The following TSC22D2 variants were observed in gnomAD, a reference collection of about 807,000 sequenced individuals.
TSC22D2 encodes TSC22 domain family member 2, also known as TSC22 domain family protein 2.
A neutral mutation model predicts 50.1 loss-of-function variants in TSC22D2; 5 were observed. That is an observed-to-expected ratio of 0.10 (90% confidence interval 0.05 to 0.21). The LOEUF (loss-of-function observed/expected upper bound fraction) is 0.21, where lower values mean the gene tolerates loss of function less well. Ranked by LOEUF, TSC22D2 falls within the 10% of genes least tolerant of loss-of-function variation. TSC22D2 has a pLI of 1.00. For missense variants in TSC22D2, 1,003 were observed against 1,015.5 expected (o/e 0.99, Z 0.17); for synonymous variants, 501 against 450.1 (o/e 1.11, Z -1.43).
rs557959105 is a variant in TSC22D2 at position 150,460,755 on chromosome 3, T to C, written c.*2119T>C. 1.6e-5 allele frequency: 2 copies of C among 125,186 alleles called. No individual in the cohort carries two copies. The highest frequency in any genetic ancestry group is 5.4e-5 in the African/African-American group (2 of 37,316). The allele number at this position is 125,186 out of a possible 1,614,324, so 7.8% of individuals were successfully genotyped here. A position where few individuals can be genotyped will look rare whatever the true frequency, so the allele number is the denominator to read the frequency against. On this transcript the variant is annotated 3_prime_UTR_variant, in exon 3 of 3. Transcript: ENST00000688009. The stretch of plus-strand genomic sequence containing the variant: ...CTCCAGTGCTAACTGTGACATGTGA[T>C]ATTTAATACAGGTGGAGAAAAACTA...
rs1424029132 is a variant in TSC22D2 at position 150,433,964 on chromosome 3, A to C, written c.1958+22656A>C. Among the ~76,000 whole-genome samples the C allele has an allele frequency of 2.6e-5, 4 of 152,164 alleles. No individual in the cohort carries two copies. In the East Asian group the frequency reaches 5.8e-4, roughly 22 times the overall value. ...ATGGTGCATGCCTGTAATCCCAGCT[A>C]CTTGGGAGGCTGAGGCACAAGAATT... On this transcript the variant is annotated intron_variant, in intron 1 of 2. Coordinates refer to ENST00000688009, the MANE Select transcript of TSC22D2 (RefSeq NM_001303264.2).
At chr3:150,455,313 CATAT>C (rs1721152950) in intron 1 of TSC22D2, among the ~76,000 whole-genome samples, 1 of 152,122 alleles carries the variant, frequency 6.6e-6, no homozygotes, top group Non-Finnish European at 1.5e-5. Context: ...TTTATAGTTA[CATAT>C]AGTCATACTT....
chr3:150,434,662 C>T (rs1720479433), intron 1 of TSC22D2, among the ~76,000 whole-genome samples: 2 of 151,898 alleles, frequency 1.3e-5, no homozygotes, highest in African/African-American at 4.8e-5. Flanking sequence ...TTAAAAATAC[C>T]AATAGCCTGT....
chr3:150,409,911 G>A lies in TSC22D2; in HGVS notation c.561G>A (p.Glu187=), dbSNP rs1427838137. ...GATGGACGTGTATGGAATACTATGA[G>A]AGGGATTCAGACAGCAGCGTCCTGA... The part of the protein sequence containing the change: ...RGRWTCMEYY[E]RDSDSSVLTR... Residue 187 remains glutamate, a synonymous_variant, in exon 1 of 3, where the codon GAG becomes GAA. Coordinates refer to ENST00000688009, the MANE Select transcript of TSC22D2 (RefSeq NM_001303264.2). The surrounding 1 kb of genome is among the most constrained non-coding windows in gnomAD (Gnocchi z 7.4). The A allele has an allele frequency of 1.2e-6, 2 of 1,613,850 alleles. No individual in the cohort carries two copies. The highest frequency in any genetic ancestry group is 2.2e-5 in the East Asian group (1 of 44,878).
At chr3:150,412,751 T>A (rs1209903292) in intron 1 of TSC22D2, among the ~76,000 whole-genome samples, 1 of 152,132 alleles carries the variant, frequency 6.6e-6, no homozygotes, top group East Asian at 1.9e-4. Context: ...CACAAGCCAC[T>A]CAGAAAAATC....
intron 1 of TSC22D2, among the ~76,000 whole-genome samples, chr3:150,422,042 T>C (rs1464241553): frequency 6.6e-6 from 1 of 152,132 alleles, no homozygotes; most frequent in Admixed American, 6.6e-5. Context: ...GAGATGGGAG[T>C]AATAATGGTG....
chr3:150,461,656 C>G lies in TSC22D2; in HGVS notation c.*3020C>G, dbSNP rs969024326. The G allele has an allele frequency of 2.0e-5, 3 of 152,136 alleles. No individual in the cohort carries two copies. Among genetic ancestry groups the G allele is most frequent in the African/African-American group, 7.2e-5 (3 of 41,410 alleles). The allele number at this position is 152,136 out of a possible 1,614,324, so 9.4% of individuals were successfully genotyped here. A position where few individuals can be genotyped will look rare whatever the true frequency, so the allele number is the denominator to read the frequency against. Reference sequence around the variant, plus strand: ...CATTAAATAAACAGTTTCCTTAACTCCTGATTGTCCAAAATAGCTGAATTT... The same window carrying G: ...CATTAAATAAACAGTTTCCTTAACTGCTGATTGTCCAAAATAGCTGAATTT... On this transcript the variant is annotated 3_prime_UTR_variant, in exon 3 of 3. Transcript: ENST00000688009.
At chr3:150,426,146 C>T (rs775184629) in intron 1 of TSC22D2, among the ~76,000 whole-genome samples, 5 of 152,110 alleles carry the variant, frequency 3.3e-5, no homozygotes, top group Admixed American at 6.5e-5. Context: ...ACTGATAACG[C>T]AAAAATAATC....
chr3:150,420,001 C>A (rs1029765213), intron 1 of TSC22D2, among the ~76,000 whole-genome samples: 2 of 152,166 alleles, frequency 1.3e-5, no homozygotes, highest in Non-Finnish European at 2.9e-5. Context: ...GTGACCACAG[C>A]TGCATAAAAA....
At chr3:150,444,755 T>A (rs983486833) in intron 1 of TSC22D2, among the ~76,000 whole-genome samples, 1 of 152,196 alleles carries the variant, frequency 6.6e-6, no homozygotes, top group Admixed American at 6.6e-5. Context: ...AAAACTTAGA[T>A]GTTAAACTTT....
intron 1 of TSC22D2, among the ~76,000 whole-genome samples, chr3:150,435,835 A>G (rs1026774192): frequency 1.3e-5 from 2 of 152,106 alleles, no homozygotes; most frequent in African/African-American, 4.8e-5. Flanking sequence ...AAAGGAAATG[A>G]TAAATAACTG....
chr3:150,430,787 C>G (rs910277323), intron 1 of TSC22D2, among the ~76,000 whole-genome samples: 2 of 152,062 alleles, frequency 1.3e-5, no homozygotes, highest in African/African-American at 4.8e-5. Context: ...TTAGGCAATA[C>G]CACCTGCATT....
intron 2 of TSC22D2, among the ~76,000 whole-genome samples, chr3:150,457,666 C>T (rs1015246359): frequency 3.3e-5 from 5 of 152,110 alleles, no homozygotes; most frequent in Non-Finnish European, 5.9e-5. Flanking sequence ...GAGATAGTCT[C>T]GCTCTGTCAC....
Position 150,458,357 on chromosome 3 carries a change from C to G in TSC22D2, c.2011-19C>G. On this transcript the variant is annotated intron_variant, in intron 2 of 2. Coordinates refer to ENST00000688009, the MANE Select transcript of TSC22D2 (RefSeq NM_001303264.2). ...TTATCTTTTCACTCTTTTGACATTC[C>G]TAATTTTGTTTTTCACAGGATCTGG... 1 of 1,604,360 alleles carries G rather than the reference C, an allele frequency of 6.2e-7. No individual in the cohort carries two copies. Among genetic ancestry groups the G allele is most frequent in the East Asian group, 2.2e-5 (1 of 44,808 alleles).
At chr3:150,440,033 A>C (rs1244823416) in intron 1 of TSC22D2, among the ~76,000 whole-genome samples, 1 of 152,170 alleles carries the variant, frequency 6.6e-6, no homozygotes, top group Non-Finnish European at 1.5e-5. Context: ...TATCTCATTT[A>C]ATTTTCACAA....
At chr3:150,424,308 T>C (rs1281801526) in intron 1 of TSC22D2, among the ~76,000 whole-genome samples, 2 of 152,186 alleles carry the variant, frequency 1.3e-5, no homozygotes, top group Non-Finnish European at 2.9e-5. Context: ...GTTTTCCAAA[T>C]GTAGCCAGAA....
intron 1 of TSC22D2, among the ~76,000 whole-genome samples, chr3:150,440,289 C>T (rs1316688561): frequency 1.3e-5 from 2 of 152,060 alleles, no homozygotes; most frequent in Admixed American, 1.3e-4. Context: ...TTATCTTGAA[C>T]TTAAGTAGCA....
chr3:150,433,112 T>A (rs1204381164), intron 1 of TSC22D2, among the ~76,000 whole-genome samples: 1 of 152,250 alleles, frequency 6.6e-6, no homozygotes, highest in African/African-American at 2.4e-5. Context: ...ATTTAGAATG[T>A]TTATCCATTA....
At chr3:150,413,443 C>T (rs1719665631) in intron 1 of TSC22D2, among the ~76,000 whole-genome samples, 1 of 152,090 alleles carries the variant, frequency 6.6e-6, no homozygotes, top group Non-Finnish European at 1.5e-5. Context: ...TGGTTTTTAA[C>T]TTGACATGCT....
Sources: gnomAD v4.1 joint callset for allele counts (sites outside exome capture counted in the v4.1 genomes callset) on GRCh38, gnomAD v4.1.1 for gene constraint, Gnocchi (gnomAD v3.1) non-coding constraint, MANE v1.5 for transcripts, NCBI Gene and HGNC (gene_info 2026-07-23, HGNC 2026-07-21) for gene names.